The following HECW2 variants were observed in gnomAD, a reference collection of about 807,000 sequenced individuals.
HECW2 encodes the protein HECT, C2 and WW domain containing E3 ubiquitin protein ligase 2.
Under a neutral mutation model 175.2 loss-of-function variants are expected in HECW2, and 61 were observed. That is an observed-to-expected ratio of 0.35 (90% CI 0.28 to 0.43). The LOEUF (loss-of-function observed/expected upper bound fraction) is 0.43, where lower values mean the gene tolerates loss of function less well. Ranked by LOEUF, HECW2 falls within the 20% of genes least tolerant of loss-of-function variation. The probability of loss-of-function intolerance (pLI) is 1.00; values close to 1 mark genes in which losing one functional copy is unlikely to be tolerated. For missense variants in HECW2, 1,524 were observed against 2,000.5 expected, an observed-to-expected ratio of 0.76 and a Z score of 4.54; for synonymous variants, 671 against 731.0, an observed-to-expected ratio of 0.92 and a Z score of 1.32.
At chr2:196,242,271 A>G in intron 19 of HECW2, 67 bp from the exon 20 acceptor site, 1 of 1,593,464 alleles carries the variant, frequency 6.3e-7, no homozygotes, top group East Asian at 2.2e-5. Context: ...TCACATCACC[A>G]TGGACAAAAG....
Position 196,452,058 on chromosome 2 carries a change from T to C in HECW2, c.-35-18600A>G, listed in dbSNP as rs535288997. On this transcript the variant is annotated intron_variant, in intron 1 of 28. Coordinates refer to ENST00000644978, the MANE Select transcript of HECW2 (RefSeq NM_001348768.2). ...TGTCATCTCATTGGCCTAACACCAA[T>C]AGGCCCAATTCAGGAACAAGCATAC... Among the ~76,000 whole-genome samples the C allele has an allele frequency of 5.3e-5, 8 of 152,330 alleles. No homozygotes were observed. The South Asian group carries it at 1.7e-3, about 32-fold the overall frequency.
At chr2:196,434,568 C>T (rs552066860) in intron 1 of HECW2, among the ~76,000 whole-genome samples, 1 of 152,304 alleles carries the variant, frequency 6.6e-6, no homozygotes, top group South Asian at 2.1e-4. Context: ...TATCTACCAG[C>T]GCCTTACCTG....
intron 21 of HECW2, 118 bp downstream of exon 21, chr2:196,240,331 G>T: frequency 1.3e-5 from 8 of 618,726 alleles, no homozygotes; most frequent in East Asian, 2.9e-5. Context: ...TTAAGTGTAT[G>T]AGAACAGCAC....
rs777387381 is a variant in HECW2 at position 196,308,022 on chromosome 2, G to A, written c.2498C>T (p.Thr833Met). 3.7e-6 allele frequency: 6 copies of A among 1,603,040 alleles called. No individual in the cohort carries two copies. Among genetic ancestry groups the A allele is most frequent in the East Asian group, 2.2e-5 (1 of 44,744 alleles). Reference sequence around the variant, plus strand: ...GGGAGCTGTCGGTCGCTGCCACGTCGTGGTTCTGTTTACGTGATCCACGTA... The same window carrying A: ...GGGAGCTGTCGGTCGCTGCCACGTCATGGTTCTGTTTACGTGATCCACGTA... ...IFYVDHVNRT[T>M]TWQRPTAPPA... The change falls in exon 11 of 29, where the codon ACG (threonine) becomes ATG (methionine). Residue 833 changes from threonine to methionine, a missense_variant. Around this residue, in one of 11 missense-constraint regions of HECW2, gnomAD observed 82 missense variants for 124.4 expected, o/e 0.66. Transcript: ENST00000644978.
intron 1 of HECW2, among the ~76,000 whole-genome samples, chr2:196,564,547 T>G (rs547314327): frequency 6.6e-6 from 1 of 152,330 alleles, no homozygotes; most frequent in East Asian, 1.9e-4. Context: ...ATCACATACA[T>G]AGAGAATCAA....
chr2:196,426,980 GT>G (rs1695566127), intron 2 of HECW2, among the ~76,000 whole-genome samples: 1 of 152,108 alleles, frequency 6.6e-6, no homozygotes, highest in Non-Finnish European at 1.5e-5. Flanking sequence ...AAATACAGTT[GT>G]TCTGCCATTC....
intron 2 of HECW2, among the ~76,000 whole-genome samples, chr2:196,360,829 C>T (rs1693561990): frequency 6.6e-6 from 1 of 152,192 alleles, no homozygotes; most frequent in South Asian, 2.1e-4. Context: ...GTTACCTTTC[C>T]AGAGATGACT....
chr2:196,325,150 C>CT lies in HECW2; in HGVS notation c.572-2dup, dbSNP rs1479285906. On this transcript the variant is annotated splice_acceptor_variant, in intron 5 of 28. Coordinates refer to ENST00000644978, the MANE Select transcript of HECW2 (RefSeq NM_001348768.2). LOFTEE classifies it high-confidence loss of function. ...TTCTTTAGCCCAACTGCCCTAAGAT[C>CT]TTTAAAGAAAGAGGGAGAAGGAGGG... The CT allele has an allele frequency of 6.4e-7, 1 of 1,568,910 alleles. No individual in the cohort carries two copies. The highest frequency in any genetic ancestry group is 1.2e-5 in the South Asian group (1 of 83,742).
intron 1 of HECW2, among the ~76,000 whole-genome samples, chr2:196,555,996 T>C (rs1689779595): frequency 6.6e-6 from 1 of 152,192 alleles, no homozygotes; most frequent in African/African-American, 2.4e-5. Flanking sequence ...TCAAGGCCAC[T>C]TCCACTGGAA....
At chr2:196,277,858 C>T in intron 15 of HECW2, among the ~76,000 whole-genome samples, 1 of 151,162 alleles carries the variant, frequency 6.6e-6, no homozygotes, top group Admixed American at 6.6e-5. Flanking sequence ...AACCATCATT[C>T]TCAGCAAACT....
At chr2:196,217,247 A>C (rs1404090814) in intron 26 of HECW2, 154 bp from the exon 27 acceptor site, 5 of 467,264 alleles carry the variant, frequency 1.1e-5, no homozygotes, top group Middle Eastern at 3.0e-4. Context: ...CACTGTATAT[A>C]TGATCATATG....
At chr2:196,299,427 G>GT (rs1242103685) in intron 13 of HECW2, among the ~76,000 whole-genome samples, 1 of 151,984 alleles carries the variant, frequency 6.6e-6, no homozygotes, top group East Asian at 1.9e-4. Flanking sequence ...AACAAACACG[G>GT]TAAGGACATT....
At chr2:196,541,357 A>T (rs942162189) in intron 1 of HECW2, among the ~76,000 whole-genome samples, 1 of 152,184 alleles carries the variant, frequency 6.6e-6, no homozygotes, top group African/African-American at 2.4e-5. Context: ...AAGTGATTAT[A>T]TCTATGGAAA....
intron 1 of HECW2, among the ~76,000 whole-genome samples, chr2:196,572,943 G>C (rs76702178): frequency 1.3e-5 from 2 of 152,034 alleles, no homozygotes; most frequent in Non-Finnish European, 2.9e-5. Flanking sequence ...ATGGTATTCC[G>C]TTATAGCAGT....
At chr2:196,314,659 C>T (rs960501391) in intron 10 of HECW2, among the ~76,000 whole-genome samples, 1 of 152,148 alleles carries the variant, frequency 6.6e-6, no homozygotes, top group South Asian at 2.1e-4. Flanking sequence ...ACCTACCTCA[C>T]AAAATTATTG....
intron 1 of HECW2, among the ~76,000 whole-genome samples, chr2:196,516,877 C>T (rs1212294363): frequency 6.6e-6 from 1 of 152,206 alleles, no homozygotes; most frequent in East Asian, 1.9e-4. Flanking sequence ...TATCCCATTC[C>T]TCACAAGCTT....
At chr2:196,591,810 C>CGCCATTAATAATATCCCCA (rs1219754215) in intron 1 of HECW2, among the ~76,000 whole-genome samples, 9 of 152,204 alleles carry the variant, frequency 5.9e-5, no homozygotes, top group Non-Finnish European at 1.2e-4. Context: ...CAGATTTTCA[C>CGCCATTAATAATATCCCCA]GCCATTAATA....
At chr2:196,471,862 G>A (rs777333919) in intron 1 of HECW2, among the ~76,000 whole-genome samples, 13 of 151,770 alleles carry the variant, frequency 8.6e-5, no homozygotes, top group African/African-American at 2.7e-4. Context: ...AACAACTACC[G>A]GGTACTAAGT....
At chr2:196,590,828 A>G (rs1691164547) in intron 1 of HECW2, among the ~76,000 whole-genome samples, 1 of 152,216 alleles carries the variant, frequency 6.6e-6, no homozygotes, top group Non-Finnish European at 1.5e-5. Context: ...TTAAAAGAGT[A>G]AGAAAATATA....
Sources: gnomAD v4.1 joint callset for allele counts (sites outside exome capture counted in the v4.1 genomes callset) on GRCh38, gnomAD v4.1.1 for gene constraint, gnomAD v4.1.1 regional missense constraint, MANE v1.5 for transcripts, NCBI Gene and HGNC (gene_info 2026-07-23, HGNC 2026-07-21) for gene names.